Variants in BCCIP observed in about 807,000 individuals in gnomAD.
BCCIP encodes BRCA2 and CDKN1A interacting protein.
BCCIP carries 23 observed loss-of-function variants against 32.8 expected under a neutral mutation model. The ratio of observed to expected loss-of-function variants is 0.70; its 90% CI spans 0.51 to 0.99. The LOEUF (loss-of-function observed/expected upper bound fraction) is 0.99. Ranked by LOEUF, BCCIP falls within the 50% of genes least tolerant of loss-of-function variation. The pLI, the probability that BCCIP is intolerant of heterozygous loss-of-function variation, is 0.00. For synonymous variants in BCCIP, 144 were observed against 137.6 expected, an observed-to-expected ratio of 1.05 and a Z score of -0.33; for missense variants, 378 against 379.8, an observed-to-expected ratio of 1.00 and a Z score of 0.04.
intron 6 of BCCIP, among the ~76,000 whole-genome samples, chr10:125,834,530 C>T (rs1049235169): frequency 7.9e-5 from 12 of 151,928 alleles, no homozygotes; most frequent in South Asian, 2.1e-4. Context: ...GGGCCAGGTG[C>T]GGTGGTGCAC....
At chr10:125,832,655 G>A (rs570529272) in intron 5 of BCCIP, among the ~76,000 whole-genome samples, 4 of 152,132 alleles carry the variant, frequency 2.6e-5, no homozygotes, top group East Asian at 1.9e-4. Flanking sequence ...TGAGCCAAGC[G>A]CAGTGGTGCA....
chr10:125,835,969 T>C lies in BCCIP; in HGVS notation c.775-135T>C, dbSNP rs554782262. On this transcript the variant is annotated intron_variant, in intron 6 of 6. Coordinates refer to ENST00000278100, the MANE Select transcript of BCCIP (RefSeq NM_078468.3). ...GAATGTCCCATTTGAACTTTTTCAA[T>C]TCTGAGTTTTGCTTTTTTTTAGCTC... is the stretch of plus-strand genomic sequence containing the variant. 11 of 776,476 alleles carry C rather than the reference T, an allele frequency of 1.4e-5. No homozygotes were observed. The African/African-American group carries it at 1.8e-4, about 12-fold the overall frequency. 48.1% of individuals were successfully genotyped at this position (776,476 alleles called of 1,614,324 possible).
In BCCIP at chr10:125,836,362, C is replaced by G. The variant is rs183040118; in HGVS notation, c.*88C>G. 1 of 1,595,192 alleles carries G rather than the reference C, an allele frequency of 6.3e-7. No individual in the cohort carries two copies. The highest frequency in any genetic ancestry group is 1.4e-5 in the African/African-American group (1 of 74,008). ...TTTACTGAAAAACTCAGACTTTATTCAGATTAAGTTCCTCTACAAAAAGTA... is the reference window on the plus strand; with the variant it reads ...TTTACTGAAAAACTCAGACTTTATTGAGATTAAGTTCCTCTACAAAAAGTA... On this transcript the variant is annotated 3_prime_UTR_variant, in exon 7 of 7. Transcript: ENST00000278100.
intron 7 of BCCIP, among the ~76,000 whole-genome samples, chr10:125,850,652 G>A (rs1944079385): frequency 6.6e-6 from 1 of 152,194 alleles, no homozygotes; most frequent in Non-Finnish European, 1.5e-5. Context: ...ACTGTGCCCA[G>A]CAACTTTATT....
At chr10:125,838,082 C>A (rs1854753884), downstream of BCCIP, 3 of 879,012 alleles carry the variant, frequency 3.4e-6, no homozygotes, top group Non-Finnish European at 5.0e-6. Context: ...TAGGTACTGT[C>A]AACGTAAATT....
chr10:125,828,717 T>C lies in BCCIP; in HGVS notation c.321+1079T>C, dbSNP rs73381218. Among the ~76,000 whole-genome samples the C allele has an allele frequency of 4.8e-3, 725 of 152,300 alleles. 8 individuals are homozygous for C. The highest frequency in any genetic ancestry group is 0.016 in the African/African-American group (659 of 41,560). On this transcript the variant is annotated intron_variant, in intron 3 of 6. Coordinates refer to ENST00000278100, the MANE Select transcript of BCCIP (RefSeq NM_078468.3). ...TAACAAACCACCCCATAGCTTAGTG[T>C]CGTAAAATAGCAGTAGTCATTTATT...
chr10:125,843,510 G>T (rs1315357785), downstream of BCCIP, among the ~76,000 whole-genome samples: 1 of 152,092 alleles, frequency 6.6e-6, no homozygotes, highest in African/African-American at 2.4e-5. Flanking sequence ...TACTCGGGAG[G>T]TTGAGGCAGG....
In BCCIP at chr10:125,852,740, T is replaced by C. The variant is rs1944108253; in HGVS notation, c.851-385T>C. 5.8e-6 allele frequency: 6 copies of C among 1,036,858 alleles called. No homozygotes were observed. The East Asian group carries it at 1.2e-4, about 21-fold the overall frequency. 64.2% of individuals were successfully genotyped at this position (1,036,858 alleles called of 1,614,324 possible). On this transcript the variant is annotated intron_variant, in intron 7 of 7. Coordinates refer to the BCCIP transcript ENST00000368759. ...ATATGCTGCGCAGTACTTTACTCCA[T>C]GAAATGCACTGCCACAGACTCATTT...
intron 7 of BCCIP, among the ~76,000 whole-genome samples, chr10:125,849,377 A>G (rs1299413405): frequency 6.6e-6 from 1 of 152,100 alleles, no homozygotes; most frequent in Non-Finnish European, 1.5e-5. Flanking sequence ...CCTCTCCTGG[A>G]TTTTGTTTTC....
downstream of BCCIP, among the ~76,000 whole-genome samples, chr10:125,844,104 C>G (rs1854949785): frequency 6.6e-6 from 1 of 152,112 alleles, no homozygotes; most frequent in Non-Finnish European, 1.5e-5. Context: ...CTTGAGAAAT[C>G]ACAATCATGG....
intron 7 of BCCIP, among the ~76,000 whole-genome samples, chr10:125,852,010 T>C (rs1944097030): frequency 6.6e-6 from 1 of 151,520 alleles, no homozygotes; most frequent in African/African-American, 2.4e-5. Flanking sequence ...TACGCTTCCA[T>C]ACTCCACATT....
intron 2 of BCCIP, among the ~76,000 whole-genome samples, chr10:125,827,141 T>A (rs1178248794): frequency 2.6e-5 from 4 of 152,054 alleles, no homozygotes; most frequent in Admixed American, 6.5e-5. Context: ...TTTTTTTTTT[T>A]AATTCACAAT....
At chr10:125,846,006 AAAGGACT>A (rs1944013468), downstream of BCCIP, among the ~76,000 whole-genome samples, 2 of 152,200 alleles carry the variant, frequency 1.3e-5, no homozygotes, top group African/African-American at 2.4e-5. Flanking sequence ...CAGGCCTCAG[AAAGGACT>A]AAGTGGGGAA....
downstream of BCCIP, chr10:125,841,389 G>A (rs1564822766): frequency 6.2e-7 from 1 of 1,608,388 alleles, no homozygotes; most frequent in South Asian, 1.1e-5. Context: ...GATGAATGAA[G>A]CCAATAGGAA....
At position 125,833,867 on chromosome 10, in the gene BCCIP, A is replaced by G. The variant is rs1854584788; in HGVS notation, c.695A>G (p.Asn232Ser). The change falls in exon 6 of 7, where the codon AAC becomes AGC. Residue 232 changes from asparagine to serine, a missense_variant. Coordinates refer to ENST00000278100, the MANE Select transcript of BCCIP (RefSeq NM_078468.3). ...AAGACATTTGTGGAAGCAGGAAAAA[A>G]CAATTCCAAAAAGAAACCTAGCAAC... ...ISKTFVEAGK[N>S]NSKKKPSNKK... is the part of the protein sequence containing the mutation. 2 of 1,614,132 alleles carry G rather than the reference A, an allele frequency of 1.2e-6. No individual in the cohort carries two copies. Among genetic ancestry groups the G allele is most frequent in the South Asian group, 2.2e-5 (2 of 91,092 alleles).
intron 3 of BCCIP, among the ~76,000 whole-genome samples, 195 bp downstream of exon 3, chr10:125,827,833 A>G (rs373054891): frequency 2.0e-5 from 3 of 152,214 alleles, no homozygotes. Context: ...TTAGCCGGGC[A>G]TAGTAGCACA....
At chr10:125,840,787 T>G, downstream of BCCIP, 6 of 1,503,396 alleles carry the variant, frequency 4.0e-6, no homozygotes, top group Non-Finnish European at 5.4e-6. Flanking sequence ...TAATAAGGAC[T>G]CAGACTTATC....
intron 6 of BCCIP, among the ~76,000 whole-genome samples, chr10:125,834,677 G>A (rs1221920577): frequency 6.6e-6 from 1 of 151,976 alleles, no homozygotes; most frequent in Non-Finnish European, 1.5e-5. Context: ...CGGGCATGGT[G>A]GCAGATGCCT....
At chr10:125,840,731 C>A (rs76410456), downstream of BCCIP, 3,553 of 1,190,860 alleles carry the variant, frequency 3.0e-3, 90 homozygotes, top group African/African-American at 0.049. Flanking sequence ...AGTGCCATTG[C>A]ATTCAAGTGG....
Sources: gnomAD v4.1 joint callset for allele counts (sites outside exome capture counted in the v4.1 genomes callset) on GRCh38, gnomAD v4.1.1 for gene constraint, MANE v1.5 for transcripts, NCBI Gene and HGNC (gene_info 2026-07-23, HGNC 2026-07-21) for gene names.